The following BCAT1 variants were observed in gnomAD, a reference collection of about 807,000 sequenced individuals.
BCAT1 encodes the protein branched chain amino acid transaminase 1, also known as branched-chain-amino-acid aminotransferase, cytosolic.
Under a neutral mutation model 52.4 loss-of-function variants are expected in BCAT1, and 48 were observed. The observed-to-expected ratio is 0.92, with a 90% CI of 0.73 to 1.16. The LOEUF is 1.16. BCAT1 is among the 50% of genes most tolerant of loss of function. The pLI is 0.00. For missense variants in BCAT1, 451 were observed against 457.1 expected (o/e 0.99, Z 0.12); for synonymous variants, 167 against 161.3 (o/e 1.04, Z -0.27).
intron 1 of BCAT1, among the ~76,000 whole-genome samples, chr12:24,916,513 C>CTT (rs36067986): frequency 2.0e-5 from 3 of 151,906 alleles, no homozygotes; most frequent in Admixed American, 6.6e-5. Context: ...AAAATAAGCT[C>CTT]TTTTTTTGTT....
intron 8 of BCAT1, among the ~76,000 whole-genome samples, chr12:24,836,259 T>G (rs371293138): frequency 1.3e-5 from 2 of 152,208 alleles, no homozygotes; most frequent in East Asian, 1.9e-4. Context: ...AGACTGAGAC[T>G]ACTACTAGAA....
At position 24,842,183 on chromosome 12, in the gene BCAT1, T is replaced by C; in HGVS notation, c.716A>G (p.Asp239Gly). 1 of 1,613,954 alleles carries C rather than the reference T, an allele frequency of 6.2e-7. No homozygotes were observed. The highest frequency in any genetic ancestry group is 8.5e-7 in the Non-Finnish European group (1 of 1,179,832). Residue 239 changes from aspartate to glycine, a missense_variant, in exon 7 of 11, where the codon GAT becomes GGT. Physicochemically the swap from Asp to Gly is moderately conservative, Grantham distance 94 (BLOSUM62 -1). Transcript: ENST00000261192. ...CCACAGGACCTGCTGACACCCATTATCTACTGCTTCACATTGGGCAAAAAG... is the reference window on the plus strand; with the variant it reads ...CCACAGGACCTGCTGACACCCATTACCTACTGCTTCACATTGGGCAAAAAG... ...SSLFAQCEAV[D>G]NGCQQVLWLY...
chr12:24,851,503 G>A (rs1174225001), intron 5 of BCAT1, among the ~76,000 whole-genome samples: 2 of 152,212 alleles, frequency 1.3e-5, no homozygotes, highest in African/African-American at 2.4e-5. Context: ...CATCTGAAAG[G>A]CATGTCACCT....
At chr12:24,823,768 C>G (rs1940252880) in intron 10 of BCAT1, among the ~76,000 whole-genome samples, 1 of 152,154 alleles carries the variant, frequency 6.6e-6, no homozygotes, top group Non-Finnish European at 1.5e-5. Flanking sequence ...TGTAAGTTTC[C>G]TGAGGCCTCC....
intron 6 of BCAT1, among the ~76,000 whole-genome samples, chr12:24,844,108 T>C (rs1013629981): frequency 6.6e-6 from 1 of 152,204 alleles, no homozygotes; most frequent in East Asian, 1.9e-4. Context: ...CCTAGCATCC[T>C]AGTTTCATAA....
chr12:24,896,772 AAAAG>A (rs1483802988), intron 2 of BCAT1, among the ~76,000 whole-genome samples: 3 of 152,226 alleles, frequency 2.0e-5, no homozygotes, highest in East Asian at 1.9e-4. Flanking sequence ...ATCTCAAAAA[AAAAG>A]AAAGAAAGTT....
At position 24,810,890 on chromosome 12, in the gene BCAT1, C is replaced by T. The variant is rs1214794038; in HGVS notation, c.*7118G>A. ...CTTTTGAGGACAATTTCTGCAAGGCCTGGTTTGGCTAAAAGGGACACTTCA... is the reference window on the plus strand; with the variant it reads ...CTTTTGAGGACAATTTCTGCAAGGCTTGGTTTGGCTAAAAGGGACACTTCA... On this transcript the variant is annotated 3_prime_UTR_variant, in exon 11 of 11. Transcript: ENST00000261192. 6.6e-6 allele frequency: 1 copy of T among 152,146 alleles called. No homozygotes were observed. Among genetic ancestry groups the T allele is most frequent in the African/African-American group, 2.4e-5 (1 of 41,440 alleles). The allele number at this position is 152,146 out of a possible 1,614,324, so 9.4% of individuals were successfully genotyped here. A position where few individuals can be genotyped will look rare whatever the true frequency, so the allele number is the denominator to read the frequency against.
rs1254458526 is a variant in BCAT1 at position 24,832,667 on chromosome 12, TA to T, written c.1044+55del. ...TACAATTTTATTCATACACTTAAAT[TA>T]AATGTAATTTAATGTGATTGGAAAT... On this transcript the variant is annotated intron_variant, in intron 9 of 10. Coordinates refer to ENST00000261192, the MANE Select transcript of BCAT1 (RefSeq NM_005504.7). 5 of 1,507,066 alleles carry T rather than the reference TA, an allele frequency of 3.3e-6. No homozygotes were observed. The African/African-American group carries it at 7.0e-5, about 21-fold the overall frequency. 93.4% of individuals were successfully genotyped at this position (1,507,066 alleles called of 1,614,324 possible).
At chr12:24,845,611 CT>C (rs1941322084) in intron 6 of BCAT1, among the ~76,000 whole-genome samples, 1 of 152,126 alleles carries the variant, frequency 6.6e-6, no homozygotes, top group South Asian at 2.1e-4. Context: ...CAAGTTAGTC[CT>C]TATTTTTCCC....
intron 1 of BCAT1, among the ~76,000 whole-genome samples, chr12:24,925,575 T>C (rs1458726381): frequency 1.3e-5 from 2 of 148,622 alleles, no homozygotes; most frequent in African/African-American, 5.0e-5. Flanking sequence ...CAGCTCCCCC[T>C]CCCCCTCTCC....
chr12:24,866,485 G>T (rs1349329628), intron 5 of BCAT1, among the ~76,000 whole-genome samples: 1 of 152,244 alleles, frequency 6.6e-6, no homozygotes, highest in Non-Finnish European at 1.5e-5. Context: ...AGGAGTGCGG[G>T]TGCACGGCGC....
intron 5 of BCAT1, among the ~76,000 whole-genome samples, chr12:24,852,889 C>T (rs1199443975): frequency 6.6e-6 from 1 of 152,166 alleles, no homozygotes; most frequent in Non-Finnish European, 1.5e-5. Context: ...ATTACTTACA[C>T]CAATTCATTG....
At chr12:24,890,870 C>A (rs1158085916) in intron 3 of BCAT1, among the ~76,000 whole-genome samples, 4 of 152,074 alleles carry the variant, frequency 2.6e-5, no homozygotes, top group African/African-American at 7.2e-5. Context: ...CAAATTCTTT[C>A]TTGTGCAACA....
At chr12:24,852,089 G>A (rs1016276332) in intron 5 of BCAT1, among the ~76,000 whole-genome samples, 4 of 152,024 alleles carry the variant, frequency 2.6e-5, no homozygotes, top group Admixed American at 1.3e-4. Context: ...AAAGTGTGTG[G>A]CACTTCCCCT....
In BCAT1 at chr12:24,949,010, C is replaced by A. The variant is rs11047724; in HGVS notation, c.-78G>T. On this transcript the variant is annotated 5_prime_UTR_variant, in exon 1 of 11. Transcript: ENST00000261192. ...GGTCGTAGCCCCTGGCCGTGTGGAC[C>A]GGGTCTGCGGCTGCAGAGCGCGGTC... 0.014 allele frequency: 20,886 copies of A among 1,494,430 alleles called. 1,865 individuals carry two copies. The Admixed American group carries it at 0.21, about 15-fold the overall frequency. 92.6% of individuals were successfully genotyped at this position (1,494,430 alleles called of 1,614,324 possible).
intron 1 of BCAT1, among the ~76,000 whole-genome samples, chr12:24,935,747 C>T (rs112043694): frequency 1.3e-5 from 2 of 152,172 alleles, no homozygotes; most frequent in African/African-American, 4.8e-5. Flanking sequence ...GAAAGCTAAG[C>T]CAAATATCCA....
At chr12:24,833,062 A>C (rs958664832) in intron 8 of BCAT1, among the ~76,000 whole-genome samples, 199 bp from the exon 9 acceptor site, 2 of 152,212 alleles carry the variant, frequency 1.3e-5, no homozygotes, top group Non-Finnish European at 2.9e-5. Context: ...AAGGTCACAG[A>C]TTTATATATG....
chr12:24,829,918 A>C (rs1229261527), intron 9 of BCAT1, 21 bp from the exon 10 acceptor site: 1 of 1,560,508 alleles, frequency 6.4e-7, no homozygotes, highest in South Asian at 1.2e-5. Flanking sequence ...AAGGGAAATG[A>C]GATAATTTGA....
intron 1 of BCAT1, among the ~76,000 whole-genome samples, chr12:24,929,728 A>G (rs1193659656): frequency 6.6e-6 from 1 of 152,050 alleles, no homozygotes; most frequent in Non-Finnish European, 1.5e-5. Flanking sequence ...TCACCCTCTT[A>G]TAACCTGTCA....
Sources: allele counts gnomAD v4.1 joint callset (sites outside exome capture counted in the v4.1 genomes callset), GRCh38; gene constraint gnomAD v4.1.1; transcripts MANE v1.5; gene names NCBI Gene and HGNC (gene_info 2026-07-23, HGNC 2026-07-21).